The following C4orf51 variants were observed in gnomAD, a reference collection of about 807,000 sequenced individuals.
C4orf51 encodes the protein uncharacterized protein C4orf51.
Under a neutral mutation model 25.2 loss-of-function variants are expected in C4orf51, and 25 were observed. The ratio of observed to expected loss-of-function variants is 0.99; its 90% confidence interval spans 0.72 to 1.39. The LOEUF (loss-of-function observed/expected upper bound fraction) is 1.39, where lower values mean the gene tolerates loss of function less well. C4orf51 is among the 40% of genes most tolerant of loss of function. C4orf51 has a pLI of 0.00. For synonymous variants in C4orf51, 100 were observed against 84.5 expected (o/e 1.18, Z -1.01); for missense variants, 252 against 239.6 (o/e 1.05, Z -0.34).
Position 145,761,391 on chromosome 4 carries a change from G to A in C4orf51, n.167-9597G>A, listed in dbSNP as rs1340651798. ...CGGTGTGGACGCGCACGTGCTCGAT[G>A]AGCTTGTTGGCGGTCTTGGACAGGT... On this transcript the variant is annotated intron_variant and non_coding_transcript_variant, in intron 1 of 1. Transcript: ENST00000510096. The surrounding 1 kb of genome is among the most constrained non-coding windows in gnomAD (Gnocchi z 6.8). 1 of 1,289,910 alleles carries A rather than the reference G, an allele frequency of 7.8e-7. No homozygotes were observed. The highest frequency in any genetic ancestry group is 1.0e-6 in the Non-Finnish European group (1 of 988,878). The allele number at this position is 1,289,910 out of a possible 1,614,324, so 79.9% of individuals were successfully genotyped here.
chr4:145,711,989 G>A (rs1731157939), intron 2 of C4orf51, among the ~76,000 whole-genome samples: 1 of 151,808 alleles, frequency 6.6e-6, no homozygotes, highest in African/African-American at 2.4e-5. Flanking sequence ...CATTATTATT[G>A]TGTCTGTTAT....
chr4:145,764,860 T>C, intron 1 of C4orf51: 2 of 1,300,320 alleles, frequency 1.5e-6, no homozygotes, highest in Non-Finnish European at 2.2e-6. Context: ...GGTTCCTGAC[T>C]AACTCCTCTC....
intron 5 of C4orf51, among the ~76,000 whole-genome samples, 163 bp downstream of exon 5, chr4:145,730,128 C>G (rs1732379840): frequency 6.6e-6 from 1 of 152,182 alleles, no homozygotes; most frequent in Admixed American, 6.5e-5. Flanking sequence ...CGGAGCTGTT[C>G]TGATAAGATA....
Position 145,729,530 on chromosome 4 carries a change from C to T in C4orf51, c.427+301C>T, listed in dbSNP as rs532412298. ...GTTAGCCAGGATGGTCTCGATCTTCCGACCTTGTGATCCTCCCTCCTTGGC... is the reference window on the plus strand; with the variant it reads ...GTTAGCCAGGATGGTCTCGATCTTCTGACCTTGTGATCCTCCCTCCTTGGC... On this transcript the variant is annotated intron_variant, in intron 4 of 5. Coordinates refer to ENST00000438731, the MANE Select transcript of C4orf51 (RefSeq NM_001080531.3). 5.4e-3 allele frequency among the ~76,000 whole-genome samples: 815 copies of T among 152,008 alleles called. 4 individuals carry two copies. The highest frequency in any genetic ancestry group is 0.015 in the African/African-American group (615 of 41,468).
chr4:145,787,399 T>C, the C4orf51 span, among the ~76,000 whole-genome samples: 3 of 149,996 alleles, frequency 2.0e-5, no homozygotes, highest in Admixed American at 2.0e-4. Flanking sequence ...GAGGTAGAGA[T>C]TGCAGTGAGC....
chr4:145,767,162 G>A (rs764541171), intron 1 of C4orf51, among the ~76,000 whole-genome samples: 1 of 152,168 alleles, frequency 6.6e-6, no homozygotes, highest in African/African-American at 2.4e-5. Flanking sequence ...AAACAGTGGT[G>A]ACTGTATTTC....
At chr4:145,749,758 C>T (rs371643370) in intron 1 of C4orf51, among the ~76,000 whole-genome samples, 6 of 152,132 alleles carry the variant, frequency 3.9e-5, no homozygotes, top group South Asian at 2.1e-4. Flanking sequence ...CTCAGCCTCC[C>T]GAGTAGCTGG....
intron 1 of C4orf51, among the ~76,000 whole-genome samples, chr4:145,693,901 C>T (rs1279286353): frequency 6.9e-6 from 1 of 145,474 alleles, no homozygotes; most frequent in Non-Finnish European, 1.5e-5. Context: ...CTCCTCACTT[C>T]CCAGATGGGG....
At chr4:145,708,394 C>T (rs1056755096) in intron 2 of C4orf51, among the ~76,000 whole-genome samples, 13 of 152,140 alleles carry the variant, frequency 8.5e-5, no homozygotes, top group African/African-American at 2.4e-4. Context: ...GGAGATACAT[C>T]CAAGGGGCAT....
At chr4:145,787,488 A>G in the C4orf51 span, among the ~76,000 whole-genome samples, 3 of 151,806 alleles carry the variant, frequency 2.0e-5, no homozygotes, top group Admixed American at 2.0e-4. Context: ...AAAAAAAGAA[A>G]TAGTTTTTGT....
At chr4:145,699,864 TG>T (rs1268559619) in intron 2 of C4orf51, among the ~76,000 whole-genome samples, 12 of 151,792 alleles carry the variant, frequency 7.9e-5, no homozygotes, top group African/African-American at 2.7e-4. Context: ...TCTGCTTTTC[TG>T]GGGGAGGGGC....
the C4orf51 span, among the ~76,000 whole-genome samples, chr4:145,780,765 G>C: frequency 6.6e-6 from 1 of 152,302 alleles, no homozygotes; most frequent in African/African-American, 2.4e-5. Context: ...CAAGACAAAT[G>C]ACACACTAAG....
chr4:145,688,116 A>C (rs952310156), intron 1 of C4orf51, among the ~76,000 whole-genome samples: 1 of 150,624 alleles, frequency 6.6e-6, no homozygotes, highest in African/African-American at 2.4e-5. Flanking sequence ...TGGGAAGATT[A>C]CTTAAGCCTG....
intron 1 of C4orf51, among the ~76,000 whole-genome samples, chr4:145,753,893 T>C (rs1365976584): frequency 6.6e-6 from 1 of 152,226 alleles, no homozygotes; most frequent in Non-Finnish European, 1.5e-5. Context: ...ACCCCCAATA[T>C]GGGAGGACTC....
chr4:145,766,261 A>G (rs149886885), intron 1 of C4orf51, among the ~76,000 whole-genome samples: 55 of 152,292 alleles, frequency 3.6e-4, no homozygotes, highest in African/African-American at 1.2e-3. Flanking sequence ...GCCAGATACA[A>G]ACAAGTCAGC....
the C4orf51 span, among the ~76,000 whole-genome samples, chr4:145,791,303 G>A: frequency 3.9e-5 from 6 of 152,244 alleles, no homozygotes; most frequent in South Asian, 1.0e-3. Flanking sequence ...CTCTTTTATA[G>A]GGGCACTAAT....
downstream of C4orf51, among the ~76,000 whole-genome samples, chr4:145,771,422 G>A (rs1736259982): frequency 6.6e-6 from 1 of 152,130 alleles, no homozygotes. Flanking sequence ...ATTTATTTTG[G>A]TGTCAATGTG....
intron 1 of C4orf51, among the ~76,000 whole-genome samples, chr4:145,688,837 A>G (rs944580924): frequency 1.3e-5 from 2 of 152,226 alleles, no homozygotes; most frequent in Non-Finnish European, 2.9e-5. Flanking sequence ...TCTAAAATTT[A>G]TGTGGAACTA....
At chr4:145,711,294 G>A (rs1731114486) in intron 2 of C4orf51, among the ~76,000 whole-genome samples, 1 of 152,228 alleles carries the variant, frequency 6.6e-6, no homozygotes, top group East Asian at 1.9e-4. Flanking sequence ...CTATACTGTT[G>A]TTGGTAAATT....
Sources: allele counts gnomAD v4.1 joint callset (sites outside exome capture counted in the v4.1 genomes callset), GRCh38; gene constraint gnomAD v4.1.1; non-coding constraint Gnocchi (gnomAD v3.1); transcripts MANE v1.5; gene names NCBI Gene and HGNC (gene_info 2026-07-23, HGNC 2026-07-21).